SLC28A1: variants seen among roughly 807,000 people sequenced by gnomAD.
The protein encoded by SLC28A1 is sodium/nucleoside cotransporter 1.
In SLC28A1, 64 loss-of-function variants were observed where a neutral mutation model predicts 74.8. That is an observed-to-expected ratio of 0.86 (90% CI 0.70 to 1.05). The LOEUF is 1.05. Among genes scored for constraint, SLC28A1 ranks in the 50% least tolerant of loss-of-function variants. The pLI is 0.00. For missense variants in SLC28A1, 828 were observed against 822.8 expected, an observed-to-expected ratio of 1.01 and a Z score of -0.08; for synonymous variants, 359 against 335.0, an observed-to-expected ratio of 1.07 and a Z score of -0.78.
the SLC28A1 span, among the ~76,000 whole-genome samples, chr15:84,952,421 C>T: frequency 9.2e-4 from 140 of 152,314 alleles, no homozygotes; most frequent in African/African-American, 3.2e-3. Flanking sequence ...CACTCTCCTA[C>T]ACGTCAGTAA....
intron 3 of SLC28A1, among the ~76,000 whole-genome samples, chr15:84,888,076 C>T (rs1027506065): frequency 6.6e-6 from 1 of 152,234 alleles, no homozygotes; most frequent in African/African-American, 2.4e-5. Flanking sequence ...TGACTGAGCA[C>T]GTACTGTGTG....
intron 3 of SLC28A1, 33 bp downstream of exon 3, chr15:84,887,889 C>T (rs1173423293): frequency 1.3e-6 from 2 of 1,514,574 alleles, no homozygotes; most frequent in Non-Finnish European, 9.2e-7. Context: ...CATCCTGACC[C>T]CTCAGCCTCT....
At chr15:84,914,131 G>A (rs923456983) in intron 9 of SLC28A1, among the ~76,000 whole-genome samples, 6 of 151,944 alleles carry the variant, frequency 3.9e-5, no homozygotes, top group African/African-American at 1.2e-4. Flanking sequence ...TTGAATTTTG[G>A]TAGATACAGG....
the SLC28A1 span, chr15:84,961,676 T>C: frequency 3.0e-6 from 1 of 338,108 alleles, no homozygotes; most frequent in Non-Finnish European, 5.9e-6. Context: ...GACACTAAGA[T>C]TCCGAGACTG....
the SLC28A1 span, among the ~76,000 whole-genome samples, chr15:84,954,585 G>A: frequency 1.3e-5 from 2 of 152,188 alleles, no homozygotes; most frequent in Admixed American, 6.5e-5. Context: ...CAAGGCAACT[G>A]AGACGTGGAG....
chr15:84,945,517 C>T lies in SLC28A1; in HGVS notation c.*317C>T, dbSNP rs1003613201. The T allele has an allele frequency of 2.5e-5, 10 of 399,170 alleles. No homozygotes were observed. Among genetic ancestry groups the T allele is most frequent in the East Asian group, 5.9e-5 (1 of 16,966 alleles). The allele number at this position is 399,170 out of a possible 1,614,324, so 24.7% of individuals were successfully genotyped here. ...AGCACCCTGGTCCTCTCTATCCCCC[C>T]TCTCCTGGGGTCCCTCACATGCCCC... On this transcript the variant is annotated 3_prime_UTR_variant, in exon 19 of 19. Transcript: ENST00000394573.
chr15:84,955,594 G>T, the SLC28A1 span, among the ~76,000 whole-genome samples: 34 of 152,304 alleles, frequency 2.2e-4, no homozygotes, highest in African/African-American at 6.3e-4. Flanking sequence ...CTTTGGTTCA[G>T]CGGGACTGTG....
At chr15:84,940,574 A>ATTCTTTCTTT (rs1035235994) in intron 15 of SLC28A1, 2 of 152,098 alleles carry the variant, frequency 1.3e-5, no homozygotes, top group Non-Finnish European at 3.0e-5. Context: ...TGTTTCTCCT[A>ATTCTTTCTTT]TTCTTTCTTT....
intron 1 of SLC28A1, chr15:84,886,442 G>A (rs1964609504): frequency 1.0e-6 from 1 of 985,332 alleles, no homozygotes; most frequent in South Asian, 4.7e-5. Context: ...TAATAGGCCT[G>A]GAAGAGGTCA....
intron 11 of SLC28A1, among the ~76,000 whole-genome samples, chr15:84,923,071 G>T (rs1377177094): frequency 6.6e-6 from 1 of 152,204 alleles, no homozygotes; most frequent in Non-Finnish European, 1.5e-5. Context: ...CCTAGTAGCT[G>T]GGATTACTGA....
chr15:84,892,361 T>A (rs1012416245), intron 5 of SLC28A1, among the ~76,000 whole-genome samples: 5 of 152,132 alleles, frequency 3.3e-5, no homozygotes, highest in African/African-American at 1.2e-4. Flanking sequence ...GGTGGGTCCA[T>A]GTCCCTCACA....
intron 6 of SLC28A1, 111 bp downstream of exon 6, chr15:84,895,234 G>GAACT: frequency 1.9e-6 from 3 of 1,575,298 alleles, no homozygotes; most frequent in Non-Finnish European, 2.6e-6. Context: ...GTGTCATGGA[G>GAACT]AACTCTCTGG....
the SLC28A1 span, among the ~76,000 whole-genome samples, chr15:84,970,029 T>C: frequency 6.6e-6 from 1 of 152,218 alleles, no homozygotes; most frequent in Admixed American, 6.5e-5. Flanking sequence ...AAAGATGTAT[T>C]ACACCAAGTA....
intron 1 of SLC28A1, 171 bp from the exon 2 acceptor site, chr15:84,886,501 C>G: frequency 1.0e-6 from 1 of 985,412 alleles, no homozygotes; most frequent in Non-Finnish European, 1.2e-6. Context: ...GATGGAGAAG[C>G]AGCAGCCAGT....
At chr15:84,927,908 TG>T (rs2141963623) in intron 12 of SLC28A1, among the ~76,000 whole-genome samples, 1 of 196 alleles carries the variant, frequency 5.1e-3, no homozygotes, top group East Asian at 0.12. Flanking sequence ...GGCAGGATAT[TG>T]GGGGAGGGGG....
At chr15:84,897,712 T>C (rs1220156656) in intron 6 of SLC28A1, among the ~76,000 whole-genome samples, 1 of 152,242 alleles carries the variant, frequency 6.6e-6, no homozygotes, top group Non-Finnish European at 1.5e-5. Context: ...TACTGATCTA[T>C]CTGTCACTAG....
intron 15 of SLC28A1, among the ~76,000 whole-genome samples, chr15:84,935,815 C>T (rs1971816049): frequency 6.6e-6 from 1 of 152,126 alleles, no homozygotes; most frequent in Admixed American, 6.5e-5. Flanking sequence ...AGTACCTTGC[C>T]TCTTCTGTTG....
chr15:84,975,133 G>A, the SLC28A1 span, among the ~76,000 whole-genome samples: 1 of 152,170 alleles, frequency 6.6e-6, no homozygotes, highest in Non-Finnish European at 1.5e-5. Flanking sequence ...GGTGACTTAG[G>A]TTCCATATGA....
chr15:84,967,441 A>G, the SLC28A1 span, among the ~76,000 whole-genome samples: 1 of 152,212 alleles, frequency 6.6e-6, no homozygotes, highest in African/African-American at 2.4e-5. Context: ...TTAAAGGAAT[A>G]GTGATGGCCT....
Sources: gnomAD v4.1 joint callset for allele counts (sites outside exome capture counted in the v4.1 genomes callset) on GRCh38, gnomAD v4.1.1 for gene constraint, MANE v1.5 for transcripts, NCBI Gene and HGNC (gene_info 2026-07-23, HGNC 2026-07-21) for gene names.